Variants in NAALADL2 observed in about 807,000 individuals in gnomAD.
NAALADL2 encodes inactive N-acetylated-alpha-linked acidic dipeptidase-like protein 2.
NAALADL2 carries 76 observed loss-of-function variants against 87.2 expected under a neutral mutation model. The observed-to-expected ratio is 0.87, with a 90% confidence interval of 0.72 to 1.05. The LOEUF is 1.05. Among genes scored for constraint, NAALADL2 ranks in the 50% least tolerant of loss-of-function variants. The pLI is 0.00. For synonymous variants in NAALADL2, 354 were observed against 331.0 expected (o/e 1.07, Z -0.75); for missense variants, 1,089 against 945.8 (o/e 1.15, Z -1.99).
chr3:175,244,286 A>T (rs1445814422), intron 3 of NAALADL2, among the ~76,000 whole-genome samples: 1 of 152,156 alleles, frequency 6.6e-6, no homozygotes, highest in African/African-American at 2.4e-5. Context: ...TTTCATGGTA[A>T]TATATATGGA....
At chr3:175,022,657 T>C (rs1304527445) in intron 1 of NAALADL2, among the ~76,000 whole-genome samples, 1 of 152,082 alleles carries the variant, frequency 6.6e-6, no homozygotes, top group Non-Finnish European at 1.5e-5. Context: ...TCCAGTTACC[T>C]TTCATTCTAA....
At chr3:174,945,896 A>G (rs1367737806) in intron 1 of NAALADL2, among the ~76,000 whole-genome samples, 1 of 151,816 alleles carries the variant, frequency 6.6e-6, no homozygotes, top group Non-Finnish European at 1.5e-5. Flanking sequence ...AATACAAAAT[A>G]TTAGCCAGGT....
intron 1 of NAALADL2, among the ~76,000 whole-genome samples, chr3:174,911,030 G>A (rs1237259400): frequency 6.6e-6 from 1 of 152,102 alleles, no homozygotes; most frequent in African/African-American, 2.4e-5. Context: ...CTGGCACACC[G>A]AATGTGCCTG....
intron 1 of NAALADL2, among the ~76,000 whole-genome samples, chr3:175,060,604 C>T (rs1274898155): frequency 6.6e-6 from 1 of 152,122 alleles, no homozygotes; most frequent in Non-Finnish European, 1.5e-5. Context: ...AGTAACTTTA[C>T]AAATATAACT....
At chr3:174,754,798 C>T (rs1243733830) in intron 3 of NAALADL2, among the ~76,000 whole-genome samples, 3 of 152,164 alleles carry the variant, frequency 2.0e-5, no homozygotes, top group Non-Finnish European at 4.4e-5. Context: ...TCTCATCCCA[C>T]TCAAGAGCTG....
At chr3:175,488,111 T>A (rs1272134850) in intron 9 of NAALADL2, among the ~76,000 whole-genome samples, 1 of 152,190 alleles carries the variant, frequency 6.6e-6, no homozygotes, top group African/African-American at 2.4e-5. Flanking sequence ...GAAAAAACAT[T>A]GCCCTTCATT....
intron 2 of NAALADL2, among the ~76,000 whole-genome samples, chr3:174,574,413 G>GT (rs997931633): frequency 6.6e-6 from 1 of 151,888 alleles, no homozygotes; most frequent in Admixed American, 6.6e-5. Context: ...TTAAAGCAGA[G>GT]TAAGTAGTAA....
chr3:175,483,334 T>C (rs1384724600), intron 9 of NAALADL2, among the ~76,000 whole-genome samples: 6 of 151,588 alleles, frequency 4.0e-5, no homozygotes, highest in Non-Finnish European at 8.8e-5. Flanking sequence ...GGCTTTTTTT[T>C]TTTTTTTAAC....
chr3:175,791,624 T>C (rs1576844017), intron 13 of NAALADL2, among the ~76,000 whole-genome samples: 1 of 152,182 alleles, frequency 6.6e-6, no homozygotes, highest in East Asian at 1.9e-4. Context: ...ATCTCAAACA[T>C]TGATGTCCTA....
chr3:175,090,269 C>G (rs1719847254), intron 1 of NAALADL2, among the ~76,000 whole-genome samples: 1 of 151,794 alleles, frequency 6.6e-6, no homozygotes, highest in African/African-American at 2.4e-5. Context: ...TAAATAATAC[C>G]AAGTGTTCAC....
chr3:174,583,141 TG>T (rs987957092), intron 2 of NAALADL2, among the ~76,000 whole-genome samples: 47 of 152,302 alleles, frequency 3.1e-4, no homozygotes, highest in African/African-American at 1.1e-3. Flanking sequence ...ATAACACTAA[TG>T]CAAAATGATG....
intron 2 of NAALADL2, among the ~76,000 whole-genome samples, chr3:175,181,743 A>ATATG (rs1736561592): frequency 4.1e-5 from 4 of 98,218 alleles, no homozygotes; most frequent in Non-Finnish European, 6.4e-5. Flanking sequence ...ATGTGTATAT[A>ATATG]TGTATATATA....
chr3:174,691,081 G>A (rs1168462589), intron 2 of NAALADL2, among the ~76,000 whole-genome samples: 1 of 152,076 alleles, frequency 6.6e-6, no homozygotes, highest in Non-Finnish European at 1.5e-5. Context: ...GTACCATTAT[G>A]TCTAAATAAA....
intron 5 of NAALADL2, among the ~76,000 whole-genome samples, chr3:175,432,692 C>T (rs56204547): frequency 0.066 from 10,071 of 152,008 alleles, 784 homozygotes; most frequent in African/African-American, 0.18. Context: ...AAGCCAGGCT[C>T]ATTCTATGCC....
At chr3:175,680,815 G>C (rs1190592375) in intron 11 of NAALADL2, among the ~76,000 whole-genome samples, 1 of 152,130 alleles carries the variant, frequency 6.6e-6, no homozygotes, top group Non-Finnish European at 1.5e-5. Flanking sequence ...TGAATGTTCA[G>C]TTAAAAACAT....
chr3:175,035,506 G>C (rs887396571), intron 1 of NAALADL2, among the ~76,000 whole-genome samples: 2 of 152,040 alleles, frequency 1.3e-5, no homozygotes, highest in African/African-American at 4.8e-5. Flanking sequence ...CTGACTCTGT[G>C]CTCCTGAGGG....
At chr3:174,729,233 T>C (rs1732475537) in intron 2 of NAALADL2, among the ~76,000 whole-genome samples, 1 of 152,048 alleles carries the variant, frequency 6.6e-6, no homozygotes. Flanking sequence ...TTACTAAGAA[T>C]GATTTCTCAC....
chr3:175,594,029 T>C (rs1721906991), intron 10 of NAALADL2, among the ~76,000 whole-genome samples: 1 of 151,964 alleles, frequency 6.6e-6, no homozygotes, highest in Non-Finnish European at 1.5e-5. Context: ...AGGGGGTACA[T>C]GTACAAATTT....
chr3:174,710,413 C>A (rs1458644370), intron 2 of NAALADL2, among the ~76,000 whole-genome samples: 2 of 151,904 alleles, frequency 1.3e-5, no homozygotes, highest in Non-Finnish European at 2.9e-5. Flanking sequence ...CACCACCACA[C>A]CCGGCTAATT....
Sources: gnomAD v4.1 joint callset for allele counts (sites outside exome capture counted in the v4.1 genomes callset) on GRCh38, gnomAD v4.1.1 for gene constraint, MANE v1.5 for transcripts, NCBI Gene and HGNC (gene_info 2026-07-23, HGNC 2026-07-21) for gene names.